The following BMPR2 variants were observed in gnomAD, a reference collection of about 807,000 sequenced individuals.
BMPR2 encodes bone morphogenetic protein receptor type-2.
BMPR2 carries 29 observed loss-of-function variants against 100.8 expected under a neutral mutation model. The observed-to-expected ratio is 0.29, with a 90% CI of 0.21 to 0.39. BMPR2 has a LOEUF of 0.39. BMPR2 is among the 10% of genes least tolerant of loss of function. The probability of loss-of-function intolerance (pLI) is 1.00; values close to 1 mark genes in which losing one functional copy is unlikely to be tolerated. For synonymous variants in BMPR2, 382 were observed against 442.3 expected (o/e 0.86, Z 1.71); for missense variants, 1,011 against 1,274.5 (o/e 0.79, Z 3.15).
intron 3 of BMPR2, among the ~76,000 whole-genome samples, chr2:202,502,739 G>A (rs1687424227): frequency 6.6e-6 from 1 of 152,188 alleles, no homozygotes; most frequent in African/African-American, 2.4e-5. Context: ...CTTCTTAGGG[G>A]AAGAGTGTTG....
chr2:202,512,018 TAA>T (rs925716028), intron 3 of BMPR2, among the ~76,000 whole-genome samples: 7 of 137,508 alleles, frequency 5.1e-5, no homozygotes, highest in Non-Finnish European at 1.6e-5. Context: ...AAGACTCTCT[TAA>T]AAAAAAAAAA....
intron 3 of BMPR2, among the ~76,000 whole-genome samples, chr2:202,501,178 A>G (rs1223087488): frequency 6.6e-6 from 1 of 152,216 alleles, no homozygotes; most frequent in East Asian, 1.9e-4. Flanking sequence ...ATCTAGGCCT[A>G]ATCTTAGCCA....
intron 1 of BMPR2, among the ~76,000 whole-genome samples, chr2:202,398,313 A>G (rs147804757): frequency 5.3e-4 from 81 of 152,278 alleles, no homozygotes; most frequent in African/African-American, 1.8e-3. Flanking sequence ...ACAAAATAAT[A>G]TAAAGATTTC....
At chr2:202,392,092 A>T (rs1690562180) in intron 1 of BMPR2, among the ~76,000 whole-genome samples, 1 of 143,382 alleles carries the variant, frequency 7.0e-6, no homozygotes, top group Non-Finnish European at 1.5e-5. Flanking sequence ...TTTTTTTGAA[A>T]GAAGTCTCGC....
intron 7 of BMPR2, 180 bp downstream of exon 7, chr2:202,520,381 G>T (rs1049094961): frequency 4.8e-6 from 3 of 626,580 alleles, no homozygotes; most frequent in South Asian, 2.0e-5. Context: ...GCTTTCCCAC[G>T]CAGCTGCCAA....
intron 3 of BMPR2, among the ~76,000 whole-genome samples, chr2:202,484,276 G>A (rs1420723897): frequency 6.6e-6 from 1 of 152,136 alleles, no homozygotes; most frequent in East Asian, 1.9e-4. Context: ...CTTGTCTGTT[G>A]TTTAAAAATC....
At chr2:202,467,137 C>T (rs1217702007) in intron 2 of BMPR2, 2 of 295,240 alleles carry the variant, frequency 6.8e-6, no homozygotes, top group African/African-American at 4.5e-5. Flanking sequence ...GTGGCACATG[C>T]CTGTAATCCC....
chr2:202,377,712 C>T (rs1427304694), intron 1 of BMPR2, among the ~76,000 whole-genome samples, 162 bp downstream of exon 1: 1 of 152,264 alleles, frequency 6.6e-6, no homozygotes, highest in Non-Finnish European at 1.5e-5. Flanking sequence ...CCATGCCTTC[C>T]AGGGAAATCG....
At chr2:202,506,027 G>C (rs185849182) in intron 3 of BMPR2, among the ~76,000 whole-genome samples, 4 of 152,284 alleles carry the variant, frequency 2.6e-5, no homozygotes, top group Admixed American at 2.0e-4. Context: ...TGGGAAGTCC[G>C]TGTCCTTAAT....
intron 3 of BMPR2, among the ~76,000 whole-genome samples, chr2:202,484,270 T>C (rs930839402): frequency 3.3e-5 from 5 of 152,230 alleles, no homozygotes; most frequent in Admixed American, 2.0e-4. Context: ...CCAATACTTG[T>C]CTGTTGTTTA....
chr2:202,493,369 A>G (rs1574476375), intron 3 of BMPR2, among the ~76,000 whole-genome samples: 1 of 152,140 alleles, frequency 6.6e-6, no homozygotes, highest in Non-Finnish European at 1.5e-5. Context: ...ATCTTAGTAC[A>G]ATAGAGGTAA....
At chr2:202,531,286 G>GA (rs1688022291) in intron 8 of BMPR2, among the ~76,000 whole-genome samples, 2 of 152,198 alleles carry the variant, frequency 1.3e-5, no homozygotes, top group South Asian at 4.1e-4. Flanking sequence ...CTGGGTGACA[G>GA]AGTGAGTGAG....
At chr2:202,530,099 G>T (rs1016581795) in intron 7 of BMPR2, among the ~76,000 whole-genome samples, 2 of 152,092 alleles carry the variant, frequency 1.3e-5, no homozygotes, top group Non-Finnish European at 2.9e-5. Context: ...TTTAAAGTCA[G>T]GTGAAAGATG....
intron 3 of BMPR2, among the ~76,000 whole-genome samples, chr2:202,507,669 A>G (rs145182753): frequency 0.014 from 2,102 of 150,932 alleles, 24 homozygotes; most frequent in Non-Finnish European, 0.018. Flanking sequence ...GATCACAGGC[A>G]TGAACTACTG....
chr2:202,435,376 CAT>C (rs141854934), intron 1 of BMPR2, among the ~76,000 whole-genome samples: 16,027 of 103,228 alleles, frequency 0.16, 1,179 homozygotes, highest in Admixed American at 0.17. Flanking sequence ...AAAAAAAATA[CAT>C]ATATATATAT....
At chr2:202,450,727 AT>A (rs1691962934) in intron 1 of BMPR2, among the ~76,000 whole-genome samples, 1 of 151,228 alleles carries the variant, frequency 6.6e-6, no homozygotes. Context: ...TCACCATAAG[AT>A]TGGGAAAATA....
Position 202,567,027 on chromosome 2 carries a change from C to A in BMPR2, c.*7081C>A, listed in dbSNP as rs1688773803. The A allele has an allele frequency of 6.6e-6, 1 of 152,120 alleles. No homozygotes were observed. Among genetic ancestry groups the A allele is most frequent in the African/African-American group, 2.4e-5 (1 of 41,414 alleles). 9.4% of individuals were successfully genotyped at this position (152,120 alleles called of 1,614,324 possible). Reference sequence around the variant, plus strand: ...ACTTCTGTGGCTTTTCTTTTTCTGGCCACATTTATTTATTTAAGCAATTTT... The same window carrying A: ...ACTTCTGTGGCTTTTCTTTTTCTGGACACATTTATTTATTTAAGCAATTTT... On this transcript the variant is annotated 3_prime_UTR_variant, in exon 13 of 13. Transcript: ENST00000374580.
rs185265812 is a variant in BMPR2 at position 202,446,056 on chromosome 2, A to G, written c.77-18753A>G. Among the ~76,000 whole-genome samples the G allele has an allele frequency of 3.4e-3, 515 of 150,524 alleles. 51 individuals carry two copies. The highest frequency in any genetic ancestry group is 0.012 in the African/African-American group (499 of 39,940). On this transcript the variant is annotated intron_variant, in intron 1 of 12. Transcript: ENST00000374580. ...CCCAAAGTGCTAGGATTACAGGCAT[A>G]AGTCACTGCGCCCGGCCACAAACAA... is the stretch of plus-strand genomic sequence containing the variant.
intron 3 of BMPR2, among the ~76,000 whole-genome samples, chr2:202,493,504 A>C (rs1420025428): frequency 2.0e-5 from 3 of 152,134 alleles, no homozygotes; most frequent in African/African-American, 7.2e-5. Flanking sequence ...TTGTATTTTT[A>C]AAATTCCTAG....
Sources: gnomAD v4.1 joint callset for allele counts (sites outside exome capture counted in the v4.1 genomes callset) on GRCh38, gnomAD v4.1.1 for gene constraint, MANE v1.5 for transcripts, NCBI Gene and HGNC (gene_info 2026-07-23, HGNC 2026-07-21) for gene names.